Variants in AMPH observed in about 807,000 individuals in gnomAD.
AMPH encodes amphiphysin.
A neutral mutation model predicts 99.1 loss-of-function variants in AMPH; 49 were observed. The ratio of observed to expected loss-of-function variants is 0.49; its 90% CI spans 0.39 to 0.63. The LOEUF is 0.63. AMPH is among the 20% of genes least tolerant of loss of function. The probability of loss-of-function intolerance (pLI) is 0.00; values close to 1 mark genes in which losing one functional copy is unlikely to be tolerated. For synonymous variants in AMPH, 314 were observed against 317.3 expected, an observed-to-expected ratio of 0.99 and a Z score of 0.11; for missense variants, 759 against 863.4, an observed-to-expected ratio of 0.88 and a Z score of 1.52.
intron 2 of AMPH, among the ~76,000 whole-genome samples, chr7:38,524,930 A>G (rs1562806524): frequency 1.3e-5 from 2 of 151,952 alleles, no homozygotes; most frequent in Admixed American, 6.6e-5. Context: ...TTACTGTTTT[A>G]TACCTTGCCT....
intron 1 of AMPH, among the ~76,000 whole-genome samples, chr7:38,541,036 A>G (rs1262174985): frequency 6.0e-5 from 9 of 150,454 alleles, no homozygotes; most frequent in Admixed American, 6.0e-4. Flanking sequence ...AAAAAAAAAA[A>G]AAAAAAGAAG....
At chr7:38,431,432 C>T (rs1360729889) in intron 13 of AMPH, among the ~76,000 whole-genome samples, 2 of 152,082 alleles carry the variant, frequency 1.3e-5, no homozygotes, top group Admixed American at 6.6e-5. Flanking sequence ...CCGAGGCGGG[C>T]AGATCACAAG....
chr7:38,489,131 G>C (rs540025021), intron 5 of AMPH, among the ~76,000 whole-genome samples: 1 of 152,106 alleles, frequency 6.6e-6, no homozygotes, highest in Non-Finnish European at 1.5e-5. Flanking sequence ...CATTGTCCTG[G>C]CATAAAGACA....
intron 1 of AMPH, among the ~76,000 whole-genome samples, chr7:38,586,423 A>G (rs1644660285): frequency 6.6e-6 from 1 of 152,226 alleles, no homozygotes; most frequent in South Asian, 2.1e-4. Flanking sequence ...TGTGGTACCA[A>G]TCACAGAATA....
chr7:38,525,312 AGG>A (rs1562806970), intron 2 of AMPH, among the ~76,000 whole-genome samples: 7 of 130,114 alleles, frequency 5.4e-5, no homozygotes, highest in East Asian at 4.2e-4. Flanking sequence ...AGAGAGAGAG[AGG>A]GAGCCTTTGC....
chr7:38,433,724 C>CAAAAAAAAAAAAAAAAAAAAAA (rs570503359), intron 12 of AMPH, among the ~76,000 whole-genome samples: 2 of 53,196 alleles, frequency 3.8e-5, no homozygotes, highest in African/African-American at 1.8e-4. Context: ...GACTCCGTCT[C>CAAAAAAAAAAAAAAAAAAAAAA]AAAAAAAAAA....
intron 1 of AMPH, among the ~76,000 whole-genome samples, chr7:38,630,947 G>T (rs139244297): frequency 2.0e-5 from 3 of 152,188 alleles, no homozygotes; most frequent in African/African-American, 7.2e-5. Context: ...GGCGCAGCGG[G>T]CAAGCTGCCG....
At position 38,429,949 on chromosome 7, in the gene AMPH, C is replaced by G. The variant is rs1785940412; in HGVS notation, c.1159-84G>C. On this transcript the variant is annotated intron_variant, in intron 13 of 20. Transcript: ENST00000356264. The stretch of plus-strand genomic sequence containing the variant: ...AAAATCCTATGCTGTCTAGAGTCAA[C>G]ATTCTGCTGAAGGCTATAGCTTTTA... 6.2e-6 allele frequency: 8 copies of G among 1,286,666 alleles called. No individual in the cohort carries two copies. The South Asian group carries it at 1.1e-4, about 18-fold the overall frequency. 79.7% of individuals were successfully genotyped at this position (1,286,666 alleles called of 1,614,324 possible).
chr7:38,593,870 G>A (rs1265354524), intron 1 of AMPH, among the ~76,000 whole-genome samples: 1 of 152,204 alleles, frequency 6.6e-6, no homozygotes, highest in African/African-American at 2.4e-5. Context: ...AGACGGGAGA[G>A]AAAAGGAACA....
At chr7:38,564,284 C>T (rs886996410) in intron 1 of AMPH, among the ~76,000 whole-genome samples, 2 of 152,170 alleles carry the variant, frequency 1.3e-5, no homozygotes, top group African/African-American at 4.8e-5. Flanking sequence ...AGAACCCCTG[C>T]ACACGTCAAG....
intron 1 of AMPH, among the ~76,000 whole-genome samples, chr7:38,590,973 T>C (rs1562848544): frequency 6.6e-6 from 1 of 152,230 alleles, no homozygotes; most frequent in Non-Finnish European, 1.5e-5. Context: ...ACTAAATTAA[T>C]ACACTAATAT....
intron 17 of AMPH, among the ~76,000 whole-genome samples, chr7:38,395,363 T>C (rs914767490): frequency 6.6e-6 from 1 of 152,228 alleles, no homozygotes; most frequent in Non-Finnish European, 1.5e-5. Context: ...AATCATAGTT[T>C]AGGTCCAGTA....
At chr7:38,459,999 A>T (rs1178585783) in intron 11 of AMPH, among the ~76,000 whole-genome samples, 1 of 152,126 alleles carries the variant, frequency 6.6e-6, no homozygotes, top group South Asian at 2.1e-4. Flanking sequence ...AATTAAAAAA[A>T]CAAATAATCC....
At position 38,505,911 on chromosome 7, in the gene AMPH, C is replaced by T. The variant is rs565237036; in HGVS notation, c.151-2207G>A. On this transcript the variant is annotated intron_variant, in intron 2 of 20. Coordinates refer to ENST00000356264, the MANE Select transcript of AMPH (RefSeq NM_001635.4). ...TTATTGTCAATCTATGCTGCAACTC[C>T]CTACCAGATCTGTCATTGGAGAAAG... Among the ~76,000 whole-genome samples the T allele has an allele frequency of 3.9e-5, 6 of 152,228 alleles. No homozygotes were observed. In the South Asian group the frequency reaches 1.0e-3, roughly 26 times the overall value.
chr7:38,542,506 G>A (rs913433154), intron 1 of AMPH, among the ~76,000 whole-genome samples: 1 of 152,180 alleles, frequency 6.6e-6, no homozygotes, highest in Non-Finnish European at 1.5e-5. Context: ...CACACTGGTA[G>A]TAATCTATCC....
intron 1 of AMPH, among the ~76,000 whole-genome samples, chr7:38,563,376 C>T (rs1791623589): frequency 6.6e-6 from 1 of 152,186 alleles, no homozygotes; most frequent in African/African-American, 2.4e-5. Context: ...ACAAACACAT[C>T]ATGATTAAAT....
At chr7:38,400,680 G>A (rs1049337954) in intron 17 of AMPH, among the ~76,000 whole-genome samples, 9 of 152,176 alleles carry the variant, frequency 5.9e-5, no homozygotes, top group South Asian at 4.1e-4. Flanking sequence ...AGAACTTGTC[G>A]TCTCTGAGGT....
intron 1 of AMPH, among the ~76,000 whole-genome samples, chr7:38,564,853 A>G (rs1004526799): frequency 6.6e-6 from 1 of 152,206 alleles, no homozygotes; most frequent in Non-Finnish European, 1.5e-5. Flanking sequence ...GGCCGGGCGC[A>G]GTGGCTCACA....
chr7:38,624,892 GA>G (rs1477731792), intron 1 of AMPH, among the ~76,000 whole-genome samples: 1 of 151,762 alleles, frequency 6.6e-6, no homozygotes, highest in Non-Finnish European at 1.5e-5. Flanking sequence ...ACATTTTACA[GA>G]TGCTAAAAAA....
Sources: allele counts gnomAD v4.1 joint callset (sites outside exome capture counted in the v4.1 genomes callset), GRCh38; gene constraint gnomAD v4.1.1; transcripts MANE v1.5; gene names NCBI Gene and HGNC (gene_info 2026-07-23, HGNC 2026-07-21).